Variants in ATAD2 observed in about 807,000 individuals in gnomAD.
ATAD2 encodes the protein ATPase family AAA domain-containing protein 2.
ATAD2 carries 62 observed loss-of-function variants against 168.9 expected under a neutral mutation model. The observed-to-expected ratio is 0.37, with a 90% confidence interval of 0.30 to 0.45. ATAD2 has a LOEUF of 0.45. Ranked by LOEUF, ATAD2 falls within the 20% of genes least tolerant of loss-of-function variation. The pLI is 1.00. For synonymous variants in ATAD2, 613 were observed against 571.6 expected (o/e 1.07, Z -1.03); for missense variants, 1,419 against 1,667.8 (o/e 0.85, Z 2.60).
intron 24 of ATAD2, among the ~76,000 whole-genome samples, chr8:123,331,083 G>C (rs1214603333): frequency 1.4e-4 from 22 of 152,136 alleles, no homozygotes; most frequent in Non-Finnish European, 2.8e-4. Context: ...TGGGATTACA[G>C]GCGTGCACCA....
In ATAD2 at chr8:123,337,758, TCTG is replaced by T; in HGVS notation, c.2915_2917del (p.Ala972del). On this transcript the variant is annotated inframe_deletion, in exon 21 of 28. Coordinates refer to ENST00000287394, the MANE Select transcript of ATAD2 (RefSeq NM_014109.4). Reference sequence around the variant, plus strand: ...TTGTTCTTCTAGTCGTTTCACTTCTTCTGCTGTCAGTGATCTTGGCTCAGGTGG... The same window carrying T: ...TTGTTCTTCTAGTCGTTTCACTTCTTCTGTCAGTGATCTTGGCTCAGGTGG... The T allele has an allele frequency of 6.8e-6, 11 of 1,613,550 alleles. No homozygotes were observed. The highest frequency in any genetic ancestry group is 9.3e-6 in the Non-Finnish European group (11 of 1,179,768).
intron 18 of ATAD2, among the ~76,000 whole-genome samples, chr8:123,345,738 G>A (rs1828219720): frequency 6.6e-6 from 1 of 152,000 alleles, no homozygotes; most frequent in Non-Finnish European, 1.5e-5. Context: ...ACCAAAAACA[G>A]AAACTGCAGA....
intron 1 of ATAD2, chr8:123,380,889 G>C: frequency 3.8e-6 from 2 of 525,924 alleles, no homozygotes; most frequent in South Asian, 4.8e-5. Context: ...GCTAATATAA[G>C]ATTTACTGGT....
chr8:123,347,534 A>G, intron 15 of ATAD2, 128 bp from the exon 16 acceptor site: 1 of 926,458 alleles, frequency 1.1e-6, no homozygotes. Flanking sequence ...GCAAATATTT[A>G]AGAGTAATAA....
intron 1 of ATAD2, 124 bp from the exon 2 acceptor site, chr8:123,380,801 A>G (rs1336376047): frequency 2.2e-6 from 2 of 892,358 alleles, no homozygotes; most frequent in African/African-American, 1.7e-5. Flanking sequence ...ATCATTTTGT[A>G]TCTCCCCAAG....
In ATAD2 at chr8:123,369,918, TTCATCATCATCATCATCATCATCATCG is replaced by T; in HGVS notation, c.807_833del (p.Asp269_Asp277del). On this transcript the variant is annotated inframe_deletion, in exon 7 of 28. Coordinates refer to ENST00000287394, the MANE Select transcript of ATAD2 (RefSeq NM_014109.4). Reference sequence around the variant, plus strand: ...CTCCATCTTCTTCATCTTCATCATCTTCATCATCATCATCATCATCATCATCGTCATCATCATCATCATCTTCATCAT... The same window carrying T: ...CTCCATCTTCTTCATCTTCATCATCTTCATCATCATCATCATCTTCATCAT... 2 of 1,567,892 alleles carry T rather than the reference TTCATCATCATCATCATCATCATCATCG, an allele frequency of 1.3e-6. No individual in the cohort carries two copies. The highest frequency in any genetic ancestry group is 1.1e-5 in the South Asian group (1 of 89,828).
chr8:123,328,671 T>C, intron 24 of ATAD2, 92 bp from the exon 25 acceptor site: 9 of 1,270,508 alleles, frequency 7.1e-6, no homozygotes, highest in East Asian at 2.5e-5. Flanking sequence ...AAAGGATAAA[T>C]AGTGAGAAAC....
chr8:123,406,655 C>G (rs1240955205), intron 1 of ATAD2, among the ~76,000 whole-genome samples: 1 of 151,318 alleles, frequency 6.6e-6, no homozygotes, highest in Non-Finnish European at 1.5e-5. Context: ...CATCTCTACC[C>G]AAAATACAGA....
intron 1 of ATAD2, among the ~76,000 whole-genome samples, chr8:123,407,669 A>G (rs1813085338): frequency 1.3e-5 from 2 of 152,284 alleles, no homozygotes; most frequent in East Asian, 1.9e-4. Flanking sequence ...CCTGGCCAAC[A>G]TGGCAAAACT....
chr8:123,405,168 T>C (rs894133240), intron 1 of ATAD2, among the ~76,000 whole-genome samples: 48 of 152,206 alleles, frequency 3.2e-4, no homozygotes, highest in Non-Finnish European at 8.8e-5. Context: ...ATGGGCATGA[T>C]TGTGTTTCAA....
At chr8:123,390,106 G>A (rs991113278) in intron 1 of ATAD2, among the ~76,000 whole-genome samples, 2 of 150,568 alleles carry the variant, frequency 1.3e-5, no homozygotes, top group African/African-American at 2.4e-5. Flanking sequence ...AGCCTCCCCG[G>A]CACCTTGGAT....
chr8:123,398,376 G>A (rs916516408), upstream of ATAD2, among the ~76,000 whole-genome samples: 6 of 151,790 alleles, frequency 4.0e-5, no homozygotes, highest in African/African-American at 1.2e-4. Context: ...TATTACAGGC[G>A]TGCACCACCA....
At chr8:123,407,852 C>CAA (rs11315960) in intron 1 of ATAD2, among the ~76,000 whole-genome samples, 2 of 139,946 alleles carry the variant, frequency 1.4e-5, no homozygotes, top group Admixed American at 7.1e-5. Context: ...GACTCCGTCT[C>CAA]AAAAAAAAAA....
chr8:123,370,063 G>C (rs1234766981), intron 6 of ATAD2, 39 bp from the exon 7 acceptor site: 2 of 1,569,108 alleles, frequency 1.3e-6, no homozygotes, highest in Non-Finnish European at 1.7e-6. Context: ...AAGATACTCA[G>C]CAAAATGTTA....
rs1827433934 is a variant in ATAD2, at chr8:123,320,389, T to C, written c.*745A>G. The stretch of plus-strand genomic sequence containing the variant: ...TCAATAGACTATAACCTAAACAGTT[T>C]TAGAAAGATATCAACAGCTTGCAAA... On this transcript the variant is annotated 3_prime_UTR_variant, in exon 28 of 28. Coordinates refer to ENST00000287394, the MANE Select transcript of ATAD2 (RefSeq NM_014109.4). The C allele has an allele frequency of 6.6e-6, 1 of 151,978 alleles. No homozygotes were observed. Among genetic ancestry groups the C allele is most frequent in the Non-Finnish European group, 1.5e-5 (1 of 67,988 alleles). The allele number at this position is 151,978 out of a possible 1,614,324, so 9.4% of individuals were successfully genotyped here.
At chr8:123,373,898 G>A (rs960064467) in intron 2 of ATAD2, among the ~76,000 whole-genome samples, 1 of 151,506 alleles carries the variant, frequency 6.6e-6, no homozygotes, top group Non-Finnish European at 1.5e-5. Context: ...ATCAACCTAT[G>A]TATCAAGCTA....
upstream of ATAD2, among the ~76,000 whole-genome samples, chr8:123,398,742 C>G (rs1812959797): frequency 6.6e-6 from 1 of 151,880 alleles, no homozygotes; most frequent in South Asian, 2.1e-4. Context: ...TGGCCTCAAG[C>G]AATCCTCCCA....
At chr8:123,410,002 C>A (rs1013870792) in intron 1 of ATAD2, among the ~76,000 whole-genome samples, 2 of 148,316 alleles carry the variant, frequency 1.3e-5, no homozygotes, top group African/African-American at 2.5e-5. Context: ...TTAAAAAAAA[C>A]CTTTTGTTAT....
At chr8:123,363,895 G>A (rs534300539) in intron 8 of ATAD2, among the ~76,000 whole-genome samples, 4 of 152,244 alleles carry the variant, frequency 2.6e-5, no homozygotes, top group African/African-American at 9.6e-5. Flanking sequence ...ATCTGTCATT[G>A]ATAGTGTCAG....
Sources: allele counts gnomAD v4.1 joint callset (sites outside exome capture counted in the v4.1 genomes callset), GRCh38; gene constraint gnomAD v4.1.1; transcripts MANE v1.5; gene names NCBI Gene and HGNC (gene_info 2026-07-23, HGNC 2026-07-21).